Variants in CCDC6 observed in about 807,000 individuals in gnomAD.
CCDC6 encodes coiled-coil domain containing 6.
A neutral mutation model predicts 56.6 loss-of-function variants in CCDC6; 20 were observed. The observed-to-expected ratio is 0.35, with a 90% CI of 0.25 to 0.51. The LOEUF (loss-of-function observed/expected upper bound fraction) is 0.51, where lower values mean the gene tolerates loss of function less well. Ranked by LOEUF, CCDC6 falls within the 20% of genes least tolerant of loss-of-function variation. The pLI is 0.95. For missense variants in CCDC6, 367 were observed against 601.1 expected (o/e 0.61, Z 4.07); for synonymous variants, 241 against 234.4 (o/e 1.03, Z -0.26).
At chr10:59,848,304 T>C (rs578048832) in intron 2 of CCDC6, among the ~76,000 whole-genome samples, 12 of 152,344 alleles carry the variant, frequency 7.9e-5, no homozygotes, top group African/African-American at 2.9e-4. Context: ...GGTCTTTATT[T>C]GGAAGTTTGG....
intron 7 of CCDC6, among the ~76,000 whole-genome samples, chr10:59,799,005 A>AG (rs1310904019): frequency 1.3e-5 from 2 of 150,522 alleles, no homozygotes; most frequent in East Asian, 4.0e-4. Flanking sequence ...AAAAAAAAAA[A>AG]AAAAAAAAAA....
intron 1 of CCDC6, among the ~76,000 whole-genome samples, chr10:59,865,875 G>A (rs1046669349): frequency 0.018 from 1,726 of 97,984 alleles, no homozygotes; most frequent in African/African-American, 0.043. Context: ...AAAAAAAAAA[G>A]AATACCATTC....
chr10:59,808,927 C>T (rs894165586), intron 5 of CCDC6, among the ~76,000 whole-genome samples: 1 of 152,214 alleles, frequency 6.6e-6, no homozygotes, highest in Non-Finnish European at 1.5e-5. Context: ...TTATTAAACA[C>T]TATTACGTGC....
intron 2 of CCDC6, among the ~76,000 whole-genome samples, chr10:59,849,930 A>C (rs186216015): frequency 1.8e-4 from 27 of 152,344 alleles, no homozygotes; most frequent in Admixed American, 7.2e-4. Flanking sequence ...GAACCTATTA[A>C]GGAAATACAT....
At chr10:59,878,563 T>A (rs2071303982) in intron 1 of CCDC6, among the ~76,000 whole-genome samples, 1 of 152,174 alleles carries the variant, frequency 6.6e-6, no homozygotes, top group Non-Finnish European at 1.5e-5. Context: ...GTGCCAGAAA[T>A]CAGAAGGTTC....
At chr10:59,839,897 C>T (rs999764234) in intron 2 of CCDC6, among the ~76,000 whole-genome samples, 4 of 152,166 alleles carry the variant, frequency 2.6e-5, no homozygotes, top group Non-Finnish European at 1.5e-5. Flanking sequence ...GTGATCTTGG[C>T]TCACTACAAC....
chr10:59,819,665 G>A (rs1191565975), intron 3 of CCDC6, among the ~76,000 whole-genome samples: 1 of 152,170 alleles, frequency 6.6e-6, no homozygotes, highest in East Asian at 1.9e-4. Context: ...AAAGCCAAGT[G>A]ATACAGTGCT....
At chr10:59,833,803 T>C (rs937531716) in intron 2 of CCDC6, among the ~76,000 whole-genome samples, 3 of 152,204 alleles carry the variant, frequency 2.0e-5, no homozygotes, top group Non-Finnish European at 4.4e-5. Flanking sequence ...CCATTTCTTT[T>C]GGCAGACACT....
At chr10:59,887,134 G>C (rs1396056105) in intron 1 of CCDC6, among the ~76,000 whole-genome samples, 1 of 152,190 alleles carries the variant, frequency 6.6e-6, no homozygotes, top group Non-Finnish European at 1.5e-5. Flanking sequence ...ATCAAAAAGT[G>C]AGGGAATTCC....
intron 1 of CCDC6, among the ~76,000 whole-genome samples, chr10:59,866,227 A>C (rs892704171): frequency 6.6e-6 from 1 of 152,240 alleles, no homozygotes; most frequent in African/African-American, 2.4e-5. Flanking sequence ...ATTAAAGAAA[A>C]GCAACATCAT....
intron 3 of CCDC6, among the ~76,000 whole-genome samples, chr10:59,816,465 T>C (rs2070710587): frequency 6.6e-6 from 1 of 152,174 alleles, no homozygotes; most frequent in South Asian, 2.1e-4. Flanking sequence ...GTAATTACAC[T>C]TCTGTCTTAT....
At chr10:59,840,755 C>A (rs1382202095) in intron 2 of CCDC6, among the ~76,000 whole-genome samples, 1 of 152,146 alleles carries the variant, frequency 6.6e-6, no homozygotes, top group Admixed American at 6.5e-5. Context: ...ACCCCTAAGT[C>A]TTTCTTGATC....
chr10:59,891,608 A>C (rs1428370914), intron 1 of CCDC6, among the ~76,000 whole-genome samples: 1 of 152,166 alleles, frequency 6.6e-6, no homozygotes, highest in African/African-American at 2.4e-5. Flanking sequence ...CATTAGCACT[A>C]ATCTTCCTTA....
rs764143588 is a variant in CCDC6 at position 59,793,085 on chromosome 10, A to G, written c.1257T>C (p.Ser419=). 3 of 1,613,960 alleles carry G rather than the reference A, an allele frequency of 1.9e-6. No individual in the cohort carries two copies. In the South Asian group the frequency reaches 3.3e-5, roughly 18 times the overall value. ...ITRPSPRRSN[S]PDKFKRPTPP... is the part of the protein sequence containing the mutation. Reference sequence around the variant, plus strand: ...GCGTGGGCCGTTTGAATTTGTCAGGACTGTTGCTTCTCCGTGGTGAAGGCC... The same window carrying G: ...GCGTGGGCCGTTTGAATTTGTCAGGGCTGTTGCTTCTCCGTGGTGAAGGCC... The change falls in exon 9 of 9, where the codon AGT becomes AGC. Residue 419 remains serine, a synonymous_variant. Coordinates refer to ENST00000263102, the MANE Select transcript of CCDC6 (RefSeq NM_005436.5).
intron 2 of CCDC6, among the ~76,000 whole-genome samples, chr10:59,845,405 G>A (rs1206770249): frequency 8.0e-6 from 1 of 124,488 alleles, no homozygotes; most frequent in African/African-American, 3.2e-5. Flanking sequence ...CATAACCTTA[G>A]TACATGCACA....
chr10:59,887,812 T>C (rs1187713921), intron 1 of CCDC6, among the ~76,000 whole-genome samples: 1 of 152,026 alleles, frequency 6.6e-6, no homozygotes, highest in African/African-American at 2.4e-5. Context: ...TATCAGACCC[T>C]TTTTTTAACC....
chr10:59,848,025 C>A (rs904949872), intron 2 of CCDC6, among the ~76,000 whole-genome samples: 1 of 152,028 alleles, frequency 6.6e-6, no homozygotes, highest in African/African-American at 2.4e-5. Context: ...AAGATGTGCA[C>A]AACATGTTAA....
chr10:59,827,664 T>C (rs974528592), intron 3 of CCDC6, among the ~76,000 whole-genome samples: 11 of 152,164 alleles, frequency 7.2e-5, no homozygotes, highest in Non-Finnish European at 1.6e-4. Context: ...CTAAAATTAA[T>C]ATACCAATCC....
At chr10:59,853,074 CAATTCATGAT>C (rs1389686289) in intron 1 of CCDC6, among the ~76,000 whole-genome samples, 9 of 152,136 alleles carry the variant, frequency 5.9e-5, no homozygotes, top group African/African-American at 1.9e-4. Flanking sequence ...TATGGTACAT[CAATTCATGAT>C]AACTCTCACA....
Sources: gnomAD v4.1 joint callset for allele counts (sites outside exome capture counted in the v4.1 genomes callset) on GRCh38, gnomAD v4.1.1 for gene constraint, MANE v1.5 for transcripts, NCBI Gene and HGNC (gene_info 2026-07-23, HGNC 2026-07-21) for gene names.